The following DPEP1 variants were observed in gnomAD, a reference collection of about 807,000 sequenced individuals.
DPEP1 encodes beta-lactamase.
DPEP1 carries 50 observed loss-of-function variants against 42.3 expected under a neutral mutation model. The observed-to-expected ratio is 1.18, with a 90% CI of 0.94 to 1.50. The LOEUF is 1.50. DPEP1 is among the 40% of genes most tolerant of loss of function. The pLI is 0.00. For missense variants in DPEP1, 663 were observed against 553.0 expected (o/e 1.20, Z -1.99); for synonymous variants, 297 against 234.0 (o/e 1.27, Z -2.46).
At position 89,614,040 on chromosome 16, in the gene DPEP1, G is replaced by A. The variant is rs1317520783; in HGVS notation, c.-107+321G>A. Among the ~76,000 whole-genome samples, 17 of 145,638 alleles carry A rather than the reference G, an allele frequency of 1.2e-4. No homozygotes were observed. In the East Asian group the frequency reaches 2.1e-3, roughly 18 times the overall value. On this transcript the variant is annotated intron_variant, in intron 1 of 10. Coordinates refer to ENST00000690203, the MANE Select transcript of DPEP1 (RefSeq NM_001389466.1). ...CTTCCTGGGATTCTAGGAAACTGGG[G>A]CCAGGTGTGTGGGGCAGGGGACGCG...
In DPEP1 at chr16:89,637,645, C is replaced by T; in HGVS notation, c.867C>T (p.His289=). Residue 289 remains histidine, a synonymous_variant, in exon 9 of 11, where the codon CAC becomes CAT. Coordinates refer to ENST00000690203, the MANE Select transcript of DPEP1 (RefSeq NM_001389466.1). ...CTCCCTGGACAGACCATCTGGATCACATCAAGGAGGTGGCAGGAGCCAGAG... is the reference window on the plus strand; with the variant it reads ...CTCCCTGGACAGACCATCTGGATCATATCAAGGAGGTGGCAGGAGCCAGAG... ...NLSQVADHLD[H]IKEVAGARAV... is the part of the protein sequence containing the mutation. 3 of 1,612,988 alleles carry T rather than the reference C, an allele frequency of 1.9e-6. No homozygotes were observed. The highest frequency in any genetic ancestry group is 1.1e-5 in the South Asian group (1 of 91,090).
chr16:89,629,892 A>G (rs763179083), intron 1 of DPEP1, among the ~76,000 whole-genome samples: 2 of 152,176 alleles, frequency 1.3e-5, no homozygotes, highest in Non-Finnish European at 2.9e-5. Flanking sequence ...TTTATCCCCC[A>G]TGGCAAGTCA....
chr16:89,617,874 A>G (rs914129319), intron 1 of DPEP1, among the ~76,000 whole-genome samples: 21 of 151,428 alleles, frequency 1.4e-4, no homozygotes, highest in Admixed American at 1.3e-3. Context: ...AAATACAAAA[A>G]TTAGCTGTGT....
At chr16:89,630,082 T>C (rs957807127) in intron 1 of DPEP1, among the ~76,000 whole-genome samples, 11 of 152,168 alleles carry the variant, frequency 7.2e-5, no homozygotes, top group African/African-American at 2.7e-4. Context: ...CCTGCTGTCC[T>C]TTCATCTGGG....
At chr16:89,640,374 C>T (rs1342501058), downstream of DPEP1, among the ~76,000 whole-genome samples, 3 of 152,136 alleles carry the variant, frequency 2.0e-5, no homozygotes, top group South Asian at 4.1e-4. Context: ...GCCACAGCAT[C>T]GGAGGTGCAG....
intron 1 of DPEP1, chr16:89,616,997 T>G (rs1362057247): frequency 6.4e-5 from 11 of 171,770 alleles, no homozygotes; most frequent in South Asian, 2.0e-4. Flanking sequence ...GGCGGGAGGC[T>G]GGAGGTCCTG....
At chr16:89,614,792 A>C (rs896724886) in intron 1 of DPEP1, among the ~76,000 whole-genome samples, 6 of 152,112 alleles carry the variant, frequency 3.9e-5, no homozygotes, top group African/African-American at 1.2e-4. Flanking sequence ...GAGACTCCGT[A>C]TCCAAAAAAA....
intron 1 of DPEP1, among the ~76,000 whole-genome samples, chr16:89,615,329 C>G (rs983566891): frequency 5.9e-5 from 9 of 152,172 alleles, no homozygotes; most frequent in African/African-American, 2.2e-4. Context: ...CCAGCTCCCA[C>G]TGGGTACAGA....
chr16:89,621,189 C>T (rs1046293217), intron 1 of DPEP1, among the ~76,000 whole-genome samples: 1 of 151,704 alleles, frequency 6.6e-6, no homozygotes, highest in Non-Finnish European at 1.5e-5. Flanking sequence ...AGCTGGGAGC[C>T]TGTTGGGAAG....
chr16:89,625,274 C>T (rs2059494359), intron 1 of DPEP1, among the ~76,000 whole-genome samples: 1 of 152,088 alleles, frequency 6.6e-6, no homozygotes. Context: ...AGTTCCCTGC[C>T]CCCAGACCCT....
intron 1 of DPEP1, among the ~76,000 whole-genome samples, chr16:89,617,454 G>A (rs545681800): frequency 6.6e-6 from 1 of 152,174 alleles, no homozygotes; most frequent in Non-Finnish European, 1.5e-5. Context: ...AGAATGAGGT[G>A]GAAGCATCCA....
chr16:89,620,982 G>A (rs764469934), intron 1 of DPEP1, among the ~76,000 whole-genome samples: 16 of 152,182 alleles, frequency 1.1e-4, no homozygotes, highest in Admixed American at 2.6e-4. Context: ...AAGGGCGAGA[G>A]TCTCAGAGGA....
chr16:89,634,339 G>A (rs2460449), intron 2 of DPEP1, among the ~76,000 whole-genome samples: 52,204 of 151,648 alleles, frequency 0.34, 10,673 homozygotes, highest in Middle Eastern at 0.63. Context: ...TGCCCACCTC[G>A]GCCTCCCAAA....
At chr16:89,623,390 C>G (rs1235089642) in intron 1 of DPEP1, among the ~76,000 whole-genome samples, 2 of 152,168 alleles carry the variant, frequency 1.3e-5, no homozygotes, top group African/African-American at 2.4e-5. Flanking sequence ...AGAGCCCGCT[C>G]ACACATACGG....
downstream of DPEP1, among the ~76,000 whole-genome samples, chr16:89,641,419 T>C (rs1226031867): frequency 5.9e-5 from 9 of 152,302 alleles, no homozygotes; most frequent in South Asian, 1.0e-3. Context: ...ACGCTCATCT[T>C]GTGGTCGCTT....
rs1204692706 is a variant in DPEP1, at chr16:89,637,835, G to A, written c.930-1G>A. ...CCCAGGTTCTCCTGGCCTCAACACA[G>A]GGTCCCTGAGGGGCTGGAGGACGTC... On this transcript the variant is annotated splice_acceptor_variant, in intron 9 of 10. Coordinates refer to ENST00000690203, the MANE Select transcript of DPEP1 (RefSeq NM_001389466.1). LOFTEE classifies it high-confidence loss of function. The A allele has an allele frequency of 6.2e-7, 1 of 1,612,740 alleles. No homozygotes were observed. The highest frequency in any genetic ancestry group is 8.5e-7 in the Non-Finnish European group (1 of 1,179,894).
chr16:89,615,737 T>C (rs916388533), intron 1 of DPEP1, among the ~76,000 whole-genome samples: 7 of 152,104 alleles, frequency 4.6e-5, no homozygotes, highest in African/African-American at 1.7e-4. Context: ...GGAGGCACGT[T>C]GGGATTTGGC....
downstream of DPEP1, chr16:89,640,537 C>T (rs1308870843): frequency 7.2e-6 from 7 of 978,554 alleles, no homozygotes; most frequent in Admixed American, 6.2e-5. Context: ...AGAAGGGACG[C>T]GTCCTGATCT....
chr16:89,633,257 C>T (rs1010691020), intron 2 of DPEP1, among the ~76,000 whole-genome samples: 5 of 152,220 alleles, frequency 3.3e-5, no homozygotes, highest in Admixed American at 6.5e-5. Context: ...GGGAGAGGCC[C>T]GTGCCAGCCC....
Sources: allele counts gnomAD v4.1 joint callset (sites outside exome capture counted in the v4.1 genomes callset), GRCh38; gene constraint gnomAD v4.1.1; transcripts MANE v1.5; gene names NCBI Gene and HGNC (gene_info 2026-07-23, HGNC 2026-07-21).